The following RBFOX1 variants were observed in gnomAD, a reference collection of about 807,000 sequenced individuals.
RBFOX1 encodes RNA binding protein fox-1 homolog 1.
RBFOX1 carries 8 observed loss-of-function variants against 57.7 expected under a neutral mutation model. That is an observed-to-expected ratio of 0.14 (90% CI 0.08 to 0.25). The LOEUF is 0.25. Among genes scored for constraint, RBFOX1 ranks in the 10% least tolerant of loss-of-function variants. The probability of loss-of-function intolerance (pLI) is 1.00; values close to 1 mark genes in which losing one functional copy is unlikely to be tolerated. For synonymous variants in RBFOX1, 326 were observed against 222.4 expected (o/e 1.47, Z -4.15); for missense variants, 611 against 548.5 (o/e 1.11, Z -1.14).
At chr16:5,424,921 T>TCTCG (rs2067483629) in intron 1 of RBFOX1, among the ~76,000 whole-genome samples, 1 of 103,898 alleles carries the variant, frequency 9.6e-6, no homozygotes, top group Admixed American at 9.9e-5. Context: ...CTTTCTTTCT[T>TCTCG]TCTTTCTTTC....
chr16:5,565,509 C>T (rs1029951477), intron 2 of RBFOX1, among the ~76,000 whole-genome samples: 2 of 151,972 alleles, frequency 1.3e-5, no homozygotes, highest in Admixed American at 6.6e-5. Flanking sequence ...CGTATAATCC[C>T]AGCTACTTGG....
In RBFOX1 at chr16:7,403,226, G is replaced by A. The variant is rs188136290; in HGVS notation, c.28-114921G>A. ...AAGGTATCTATCAGCTCAGAGTTCC[G>A]TTTTTTGGTGAGATCACTTAGAATC... On this transcript the variant is annotated intron_variant, in intron 4 of 15. Coordinates refer to ENST00000550418, the MANE Select transcript of RBFOX1 (RefSeq NM_018723.4). 1.1e-3 allele frequency among the ~76,000 whole-genome samples: 173 copies of A among 152,244 alleles called. No individual in the cohort carries two copies. In the Middle Eastern group the frequency reaches 0.014, roughly 12 times the overall value.
chr16:6,114,470 A>G (rs1167680237), intron 1 of RBFOX1, among the ~76,000 whole-genome samples: 2 of 152,224 alleles, frequency 1.3e-5, no homozygotes, highest in African/African-American at 2.4e-5. Context: ...CTTACAGTAT[A>G]AAAAGGCAAT....
At chr16:6,930,913 C>A (rs1246168424) in intron 3 of RBFOX1, among the ~76,000 whole-genome samples, 1 of 151,876 alleles carries the variant, frequency 6.6e-6, no homozygotes, top group Non-Finnish European at 1.5e-5. Flanking sequence ...GCCGAGTCTT[C>A]TGTGTATTTG....
intron 10 of RBFOX1, among the ~76,000 whole-genome samples, chr16:7,623,030 C>T (rs1465113763): frequency 1.3e-5 from 2 of 152,170 alleles, no homozygotes; most frequent in African/African-American, 2.4e-5. Context: ...AAGCAGTCAC[C>T]TCCATTGCTA....
intron 14 of RBFOX1, among the ~76,000 whole-genome samples, chr16:7,697,542 A>C (rs1406048235): frequency 6.6e-6 from 1 of 152,152 alleles, no homozygotes; most frequent in African/African-American, 2.4e-5. Context: ...TAATGCATGC[A>C]TATGTATGAT....
rs571550627 is a variant in RBFOX1 at position 6,100,593 on chromosome 16, CTT to C, written c.-127+80607_-127+80608del. Among the ~76,000 whole-genome samples the C allele has an allele frequency of 8.8e-4, 134 of 152,266 alleles. 1 individual carries two copies. The highest frequency in any genetic ancestry group is 3.0e-3 in the African/African-American group (123 of 41,554). On this transcript the variant is annotated intron_variant, in intron 1 of 15. Coordinates refer to ENST00000550418, the MANE Select transcript of RBFOX1 (RefSeq NM_018723.4). ...GTTCAAGATGATCAGTTTGGATTCT[CTT>C]TTTTTGTCACATAATAACGAATATT... is the stretch of plus-strand genomic sequence containing the variant.
intron 4 of RBFOX1, among the ~76,000 whole-genome samples, chr16:5,890,382 G>A (rs1007813581): frequency 1.9e-4 from 29 of 152,258 alleles, no homozygotes; most frequent in African/African-American, 6.5e-4. Context: ...GGTAGTTAAT[G>A]ATTTTGCCAT....
At chr16:6,996,304 A>G (rs922367962) in intron 3 of RBFOX1, among the ~76,000 whole-genome samples, 1 of 152,166 alleles carries the variant, frequency 6.6e-6, no homozygotes, top group African/African-American at 2.4e-5. Context: ...ACACTGAACT[A>G]GTACTGGGAT....
intron 2 of RBFOX1, among the ~76,000 whole-genome samples, chr16:6,444,544 C>T (rs1265196720): frequency 2.6e-5 from 4 of 152,156 alleles, no homozygotes; most frequent in Admixed American, 6.5e-5. Flanking sequence ...TGCCTGCTGC[C>T]ATCCATGTAA....
intron 13 of RBFOX1, among the ~76,000 whole-genome samples, chr16:7,672,283 C>A (rs11859984): frequency 0.41 from 62,852 of 152,066 alleles, 13,624 homozygotes; most frequent in Admixed American, 0.49. Flanking sequence ...GTCTATTACC[C>A]ACATTGAAAC....
intron 4 of RBFOX1, among the ~76,000 whole-genome samples, chr16:7,133,521 A>G (rs993336755): frequency 5.3e-5 from 8 of 152,204 alleles, no homozygotes; most frequent in South Asian, 2.1e-4. Flanking sequence ...CAGAGAATCA[A>G]TGACAAGACA....
intron 3 of RBFOX1, among the ~76,000 whole-genome samples, chr16:6,715,254 T>G (rs4786921): frequency 0.69 from 100,275 of 146,080 alleles, 33,598 homozygotes; most frequent in Middle Eastern, 0.86. Flanking sequence ...CAATGCAGGA[T>G]AAAGTTTTAA....
At chr16:5,312,680 A>G (rs2064124654) in intron 1 of RBFOX1, among the ~76,000 whole-genome samples, 3 of 152,216 alleles carry the variant, frequency 2.0e-5, no homozygotes, top group African/African-American at 7.2e-5. Flanking sequence ...AGGACACCCA[A>G]GAGACAGACA....
chr16:6,193,416 A>ATATAC (rs1244009295), intron 1 of RBFOX1, among the ~76,000 whole-genome samples: 3 of 123,376 alleles, frequency 2.4e-5, no homozygotes, highest in South Asian at 5.1e-4. Flanking sequence ...ATATATATAT[A>ATATAC]TATATATATA....
chr16:7,177,222 G>T (rs904292036), intron 4 of RBFOX1, among the ~76,000 whole-genome samples: 1 of 152,150 alleles, frequency 6.6e-6, no homozygotes, highest in Non-Finnish European at 1.5e-5. Context: ...TCCAATCAAA[G>T]GGGAAATTTG....
chr16:7,105,573 A>T (rs999982338), intron 4 of RBFOX1, among the ~76,000 whole-genome samples: 1 of 152,022 alleles, frequency 6.6e-6, no homozygotes, highest in African/African-American at 2.4e-5. Context: ...GTGAGAACAT[A>T]CAACGTTTGG....
At chr16:6,830,366 T>G (rs1465540641) in intron 3 of RBFOX1, among the ~76,000 whole-genome samples, 4 of 152,222 alleles carry the variant, frequency 2.6e-5, no homozygotes, top group Non-Finnish European at 5.9e-5. Context: ...ATTCCACTTT[T>G]TTTTTCCAGT....
chr16:7,306,923 A>C (rs1047867785), intron 4 of RBFOX1, among the ~76,000 whole-genome samples: 8 of 152,190 alleles, frequency 5.3e-5, no homozygotes, highest in African/African-American at 1.9e-4. Flanking sequence ...ATCTGCCTTT[A>C]ATCTGTAGCT....
Sources: gnomAD v4.1 joint callset for allele counts (sites outside exome capture counted in the v4.1 genomes callset) on GRCh38, gnomAD v4.1.1 for gene constraint, MANE v1.5 for transcripts, NCBI Gene and HGNC (gene_info 2026-07-23, HGNC 2026-07-21) for gene names.